The following PLCB4 variants were observed in gnomAD, a reference collection of about 807,000 sequenced individuals.
PLCB4 encodes the protein 1-phosphatidylinositol 4,5-bisphosphate phosphodiesterase beta-4.
A neutral mutation model predicts 178.8 loss-of-function variants in PLCB4; 77 were observed. The ratio of observed to expected loss-of-function variants is 0.43; its 90% CI spans 0.36 to 0.52. PLCB4 has a LOEUF of 0.52. Ranked by LOEUF, PLCB4 falls within the 20% of genes least tolerant of loss-of-function variation. The pLI is 0.00. For synonymous variants in PLCB4, 496 were observed against 490.8 expected (o/e 1.01, Z -0.14); for missense variants, 1,024 against 1,453.4 (o/e 0.70, Z 4.80).
At chr20:9,166,685 C>T (rs1289540564) in intron 2 of PLCB4, 1 of 152,186 alleles carries the variant, frequency 6.6e-6, no homozygotes, top group Non-Finnish European at 1.5e-5. Flanking sequence ...ATCCTACTGA[C>T]TCCTTTTCAG....
At chr20:9,334,250 G>C (rs1188759381) in intron 4 of PLCB4, among the ~76,000 whole-genome samples, 1 of 152,138 alleles carries the variant, frequency 6.6e-6, no homozygotes, top group Non-Finnish European at 1.5e-5. Context: ...GATCAACTCA[G>C]GTGAGGAAAG....
At chr20:9,271,777 C>T (rs1009340102) in intron 3 of PLCB4, among the ~76,000 whole-genome samples, 1 of 152,174 alleles carries the variant, frequency 6.6e-6, no homozygotes, top group Admixed American at 6.5e-5. Context: ...AACACTTGTA[C>T]CTGGAGTCAG....
Position 9,464,410 on chromosome 20 carries a change from G to A in PLCB4, c.3249-4161G>A, listed in dbSNP as rs6140939. On this transcript the variant is annotated intron_variant, in intron 35 of 39. Transcript: ENST00000378473. Reference sequence around the variant, plus strand: ...CAAACAAATTCCAAAGCTAGCAGAAGGCAAGAAATAACTAAGATCAGAGCA... The same window carrying A: ...CAAACAAATTCCAAAGCTAGCAGAAAGCAAGAAATAACTAAGATCAGAGCA... 0.013 allele frequency among the ~76,000 whole-genome samples: 2,005 copies of A among 152,096 alleles called. 133 individuals carry two copies. In the East Asian group the frequency reaches 0.19, roughly 15 times the overall value.
At chr20:9,158,885 A>G (rs2092836471) in intron 2 of PLCB4, among the ~76,000 whole-genome samples, 1 of 152,166 alleles carries the variant, frequency 6.6e-6, no homozygotes, top group African/African-American at 2.4e-5. Flanking sequence ...GTCTTATTCC[A>G]TACTGAATTT....
intron 21 of PLCB4, among the ~76,000 whole-genome samples, chr20:9,407,211 T>G (rs1426871410): frequency 4.6e-5 from 7 of 152,108 alleles, no homozygotes; most frequent in African/African-American, 1.4e-4. Flanking sequence ...AAACTCTGAG[T>G]GTGGGGCCCA....
chr20:9,122,684 A>G (rs1476763226), intron 2 of PLCB4, among the ~76,000 whole-genome samples: 1 of 152,164 alleles, frequency 6.6e-6, no homozygotes, highest in African/African-American at 2.4e-5. Flanking sequence ...ACGCGCATGT[A>G]AAGAAAGGAC....
intron 3 of PLCB4, among the ~76,000 whole-genome samples, chr20:9,265,173 G>A (rs1052305912): frequency 1.3e-5 from 2 of 152,084 alleles, no homozygotes; most frequent in African/African-American, 4.8e-5. Context: ...AGTGATTGAG[G>A]TGTACTTGAA....
chr20:9,330,848 A>G (rs567880699), intron 4 of PLCB4, among the ~76,000 whole-genome samples: 1 of 152,338 alleles, frequency 6.6e-6, no homozygotes, highest in African/African-American at 2.4e-5. Flanking sequence ...TTGCAGAGTT[A>G]TCATGAGATT....
At chr20:9,464,312 C>T in intron 35 of PLCB4, among the ~76,000 whole-genome samples, 1 of 151,998 alleles carries the variant, frequency 6.6e-6, no homozygotes, top group East Asian at 1.9e-4. Context: ...CACTAAATGC[C>T]CACAAGAGAA....
intron 3 of PLCB4, among the ~76,000 whole-genome samples, chr20:9,261,259 T>C (rs1457189266): frequency 1.3e-5 from 2 of 152,182 alleles, no homozygotes; most frequent in Non-Finnish European, 2.9e-5. Flanking sequence ...TTTTTGTTAA[T>C]GTTTACTTCT....
chr20:9,219,386 A>G (rs529199382), intron 3 of PLCB4, among the ~76,000 whole-genome samples: 12 of 152,224 alleles, frequency 7.9e-5, no homozygotes, highest in East Asian at 1.9e-4. Context: ...GGAGAATGGC[A>G]TGAACCCAGG....
chr20:9,356,712 T>C (rs2034855209), intron 7 of PLCB4, among the ~76,000 whole-genome samples: 1 of 152,234 alleles, frequency 6.6e-6, no homozygotes. Flanking sequence ...TCAAATTATA[T>C]ACATTCCTGA....
At chr20:9,208,035 G>C (rs2093632977) in intron 2 of PLCB4, among the ~76,000 whole-genome samples, 1 of 152,170 alleles carries the variant, frequency 6.6e-6, no homozygotes, top group Non-Finnish European at 1.5e-5. Flanking sequence ...TCTTGGTCAT[G>C]GACATGAGCC....
At chr20:9,230,608 C>T (rs925291595) in intron 3 of PLCB4, among the ~76,000 whole-genome samples, 1 of 152,106 alleles carries the variant, frequency 6.6e-6, no homozygotes, top group Non-Finnish European at 1.5e-5. Context: ...TTCACTGGGT[C>T]AGCAATTTGG....
At position 9,473,465 on chromosome 20, in the gene PLCB4, G is replaced by A. The variant is rs2044326938; in HGVS notation, c.3495+100G>A. 2.5e-5 allele frequency: 14 copies of A among 562,600 alleles called. No individual in the cohort carries two copies. The South Asian group carries it at 4.2e-4, about 17-fold the overall frequency. 34.9% of individuals were successfully genotyped at this position (562,600 alleles called of 1,614,324 possible). A position where few individuals can be genotyped will look rare whatever the true frequency, so the allele number is the denominator to read the frequency against. ...GACCAGTGGCTTGCATATTGTAATT[G>A]AAAGGTAGATAGAAGAATTTGTTGC... On this transcript the variant is annotated intron_variant, in intron 38 of 39. Coordinates refer to ENST00000378473, the MANE Select transcript of PLCB4 (RefSeq NM_001377142.1).
chr20:9,377,529 T>C (rs774227462), intron 12 of PLCB4, among the ~76,000 whole-genome samples: 2 of 152,208 alleles, frequency 1.3e-5, no homozygotes, highest in Non-Finnish European at 2.9e-5. Context: ...TTGTGTTACC[T>C]TTTTGAAGCA....
intron 3 of PLCB4, among the ~76,000 whole-genome samples, chr20:9,219,235 C>T (rs1324902110): frequency 6.6e-6 from 1 of 152,110 alleles, no homozygotes; most frequent in Non-Finnish European, 1.5e-5. Context: ...TTTGGGAGGC[C>T]GAGGCGGGTG....
At chr20:9,077,673 G>A (rs555213139) in intron 1 of PLCB4, among the ~76,000 whole-genome samples, 15 of 152,248 alleles carry the variant, frequency 9.9e-5, no homozygotes, top group African/African-American at 2.9e-4. Context: ...TCAATTTGGT[G>A]AGCTGTGAAA....
At chr20:9,461,504 C>A (rs1398512470) in intron 35 of PLCB4, among the ~76,000 whole-genome samples, 1 of 152,182 alleles carries the variant, frequency 6.6e-6, no homozygotes, top group East Asian at 1.9e-4. Flanking sequence ...CTTTCCTAGC[C>A]AAAGGAAGCC....
Sources: allele counts gnomAD v4.1 joint callset (sites outside exome capture counted in the v4.1 genomes callset), GRCh38; gene constraint gnomAD v4.1.1; transcripts MANE v1.5; gene names NCBI Gene and HGNC (gene_info 2026-07-23, HGNC 2026-07-21).